The following TSG101 variants were observed in gnomAD, a reference collection of about 807,000 sequenced individuals.
TSG101 encodes tumor susceptibility gene 101 protein.
A neutral mutation model predicts 48.5 loss-of-function variants in TSG101; 19 were observed. The ratio of observed to expected loss-of-function variants is 0.39; its 90% confidence interval spans 0.27 to 0.58. The LOEUF is 0.58. TSG101 is among the 20% of genes least tolerant of loss of function. TSG101 has a pLI of 0.55. For missense variants in TSG101, 365 were observed against 484.4 expected (o/e 0.75, Z 2.31); for synonymous variants, 174 against 169.4 (o/e 1.03, Z -0.21).
At chr11:18,512,583 T>C (rs1850103149) in intron 4 of TSG101, among the ~76,000 whole-genome samples, 1 of 152,146 alleles carries the variant, frequency 6.6e-6, no homozygotes, top group Non-Finnish European at 1.5e-5. Flanking sequence ...TTGGTGTACT[T>C]GATAAATATA....
At chr11:18,492,567 A>C (rs1199833076) in intron 7 of TSG101, among the ~76,000 whole-genome samples, 2 of 152,194 alleles carry the variant, frequency 1.3e-5, no homozygotes, top group East Asian at 3.8e-4. Context: ...CCACCAAATA[A>C]GTCCTTGCCA....
chr11:18,482,879 T>A (rs1849562739), intron 8 of TSG101, among the ~76,000 whole-genome samples: 1 of 152,206 alleles, frequency 6.6e-6, no homozygotes, highest in Admixed American at 6.5e-5. Context: ...TCCTAGTAAC[T>A]GGCAACATCA....
chr11:18,480,719 GGATCTAAGAACCCTAACTCAT>G, intron 9 of TSG101, 84 bp from the exon 10 acceptor site: 1 of 1,286,562 alleles, frequency 7.8e-7, no homozygotes, highest in Non-Finnish European at 1.1e-6. Context: ...AACCTAGATG[GGATCTAAGAACCCTAACTCAT>G]GACCTGCCAA....
chr11:18,515,989 T>A (rs1850162992), intron 3 of TSG101, 110 bp downstream of exon 3: 1 of 871,950 alleles, frequency 1.1e-6, no homozygotes, highest in Admixed American at 2.8e-5. Context: ...AAAATCTATA[T>A]CAGCATCAAA....
rs147933496 is a variant in TSG101, at chr11:18,521,075, T to C, written c.43-1472A>G. On this transcript the variant is annotated intron_variant, in intron 1 of 9. Transcript: ENST00000251968. ...TTGCTTTTATATTTTTCTCCTCTTC[T>C]CTGGTAAGATCACTTCATAGAGGAT... 5.0e-3 allele frequency among the ~76,000 whole-genome samples: 759 copies of C among 152,120 alleles called. 7 individuals are homozygous for C. Among genetic ancestry groups the C allele is most frequent in the African/African-American group, 0.018 (735 of 41,504 alleles).
intron 7 of TSG101, among the ~76,000 whole-genome samples, chr11:18,500,383 G>GT (rs1477277295): frequency 7.9e-5 from 12 of 152,026 alleles, no homozygotes; most frequent in Admixed American, 7.9e-4. Flanking sequence ...TCTAATTTTA[G>GT]TTTTTTTAGA....
intron 6 of TSG101, 136 bp from the exon 7 acceptor site, chr11:18,502,713 A>G: frequency 1.6e-6 from 1 of 610,022 alleles, no homozygotes; most frequent in South Asian, 2.0e-5. Flanking sequence ...TGGAGCTGCA[A>G]GTGTTTATTC....
intron 7 of TSG101, among the ~76,000 whole-genome samples, chr11:18,498,017 T>A (rs1000297763): frequency 4.0e-5 from 6 of 150,476 alleles, no homozygotes; most frequent in African/African-American, 1.2e-4. Context: ...ACTCAGCAAA[T>A]CTCTTCAACA....
chr11:18,501,997 G>A (rs528479944), intron 7 of TSG101, among the ~76,000 whole-genome samples: 1 of 152,324 alleles, frequency 6.6e-6, no homozygotes, highest in Non-Finnish European at 1.5e-5. Flanking sequence ...AGGCATAGGT[G>A]AAGGCTGGAG....
intron 7 of TSG101, among the ~76,000 whole-genome samples, chr11:18,494,928 T>C (rs1233554753): frequency 6.6e-6 from 1 of 152,226 alleles, no homozygotes; most frequent in Non-Finnish European, 1.5e-5. Flanking sequence ...AGGTAAGCTC[T>C]CTTATTTTTC....
chr11:18,503,408 T>G (rs947831957), intron 6 of TSG101, among the ~76,000 whole-genome samples: 11 of 141,400 alleles, frequency 7.8e-5, no homozygotes, highest in African/African-American at 2.9e-4. Context: ...AGTCTCGCCC[T>G]GTTGCTCAGG....
intron 7 of TSG101, among the ~76,000 whole-genome samples, chr11:18,488,357 G>A (rs1194429782): frequency 6.6e-6 from 1 of 152,134 alleles, no homozygotes; most frequent in Non-Finnish European, 1.5e-5. Context: ...AGGTAGAGGG[G>A]TGATATTGTG....
chr11:18,494,200 C>CA (rs1342753392), intron 7 of TSG101, among the ~76,000 whole-genome samples: 4 of 152,196 alleles, frequency 2.6e-5, no homozygotes, highest in African/African-American at 9.6e-5. Context: ...AACAGTGTGA[C>CA]AAAATCATTC....
intron 8 of TSG101, among the ~76,000 whole-genome samples, chr11:18,482,687 C>G (rs913009204): frequency 2.6e-5 from 4 of 152,160 alleles, no homozygotes; most frequent in Admixed American, 2.0e-4. Context: ...GTTGCATATG[C>G]TATGTTTATA....
intron 7 of TSG101, among the ~76,000 whole-genome samples, chr11:18,496,684 T>G (rs1183620538): frequency 6.6e-6 from 1 of 151,880 alleles, no homozygotes; most frequent in African/African-American, 2.4e-5. Flanking sequence ...CAGTCCTAGC[T>G]ACTCAGGAGG....
chr11:18,489,252 G>C (rs1446964975), intron 7 of TSG101, among the ~76,000 whole-genome samples: 1 of 150,742 alleles, frequency 6.6e-6, no homozygotes, highest in African/African-American at 2.4e-5. Flanking sequence ...TGGAGATGAG[G>C]TCTCCCTACG....
In TSG101 at chr11:18,519,569, A is replaced by T; in HGVS notation, c.77T>A (p.Val26Asp). ...KYRDLTVRETVNVITLYKDLK... is the reference protein window; with the variant it reads ...KYRDLTVRETDNVITLYKDLK... ...ATCTTTGTATAGAGTAATAACATTG[A>T]CAGTTTCACGTACAGTTAGGTCTCT... Residue 26 changes from valine (V) to aspartate (D), a missense_variant, in exon 2 of 10, where the codon GTC becomes GAC. Transcript: ENST00000251968. 1.2e-6 allele frequency: 2 copies of T among 1,613,152 alleles called. No individual in the cohort carries two copies. The highest frequency in any genetic ancestry group is 8.5e-7 in the Non-Finnish European group (1 of 1,179,702).
intron 7 of TSG101, among the ~76,000 whole-genome samples, chr11:18,499,129 AGAG>A (rs745969355): frequency 6.7e-6 from 1 of 148,778 alleles, no homozygotes; most frequent in Non-Finnish European, 1.5e-5. Context: ...GGAGTTATTC[AGAG>A]AAGAATGAAG....
intron 7 of TSG101, among the ~76,000 whole-genome samples, chr11:18,498,122 G>C (rs546303744): frequency 1.3e-5 from 2 of 152,262 alleles, no homozygotes; most frequent in Admixed American, 1.3e-4. Context: ...AATTGGTAAG[G>C]ATAGGCCTGG....
Sources: gnomAD v4.1 joint callset for allele counts (sites outside exome capture counted in the v4.1 genomes callset) on GRCh38, gnomAD v4.1.1 for gene constraint, MANE v1.5 for transcripts, NCBI Gene and HGNC (gene_info 2026-07-23, HGNC 2026-07-21) for gene names.